The following CSRNP3 variants were observed in gnomAD, a reference collection of about 807,000 sequenced individuals.
CSRNP3 encodes the protein cysteine and serine rich nuclear protein 3, also known as cysteine/serine-rich nuclear protein 3.
A neutral mutation model predicts 48.0 loss-of-function variants in CSRNP3; 12 were observed. That is an observed-to-expected ratio of 0.25 (90% CI 0.16 to 0.41). The LOEUF (loss-of-function observed/expected upper bound fraction) is 0.41, where lower values mean the gene tolerates loss of function less well. Among genes scored for constraint, CSRNP3 ranks in the 10% least tolerant of loss-of-function variants. The pLI, the probability that CSRNP3 is intolerant of heterozygous loss-of-function variation, is 1.00. For missense variants in CSRNP3, 580 were observed against 724.4 expected, an observed-to-expected ratio of 0.80 and a Z score of 2.29; for synonymous variants, 263 against 269.7, an observed-to-expected ratio of 0.98 and a Z score of 0.24.
rs1687157059 is a variant in CSRNP3 at position 165,665,114 on chromosome 2, AAAACAGGGCC to A, written c.408+7097_408+7106del. ...TTATGGACTTAAAATTGCATTTAAC[AAAACAGGGCC>A]AAGTTTAGGATATCCTCTCAAGGTA... On this transcript the variant is annotated intron_variant, in intron 5 of 6. Transcript: ENST00000651982. Among the ~76,000 whole-genome samples, 3 of 152,188 alleles carry A rather than the reference AAAACAGGGCC, an allele frequency of 2.0e-5. No homozygotes were observed. The South Asian group carries it at 6.2e-4, about 32-fold the overall frequency.
At chr2:165,636,104 C>T (rs1378377768) in intron 4 of CSRNP3, among the ~76,000 whole-genome samples, 1 of 152,146 alleles carries the variant, frequency 6.6e-6, no homozygotes, top group Non-Finnish European at 1.5e-5. Flanking sequence ...ATGAATGCTA[C>T]TGTTTTAATA....
chr2:165,609,090 G>C (rs948596443), intron 4 of CSRNP3, among the ~76,000 whole-genome samples: 23 of 150,058 alleles, frequency 1.5e-4, no homozygotes, highest in Admixed American at 3.3e-4. Flanking sequence ...CTGGGCGACA[G>C]AGCAAGACTC....
intron 1 of CSRNP3, among the ~76,000 whole-genome samples, chr2:165,473,142 C>T (rs1683915363): frequency 6.6e-6 from 1 of 152,124 alleles, no homozygotes; most frequent in South Asian, 2.1e-4. Context: ...CGTAGGCTTA[C>T]TCTCAACTAC....
intron 4 of CSRNP3, among the ~76,000 whole-genome samples, chr2:165,625,309 T>C (rs1381292199): frequency 6.6e-6 from 1 of 151,734 alleles, no homozygotes; most frequent in Admixed American, 6.6e-5. Flanking sequence ...CAAATATACA[T>C]AACATGTAGT....
intron 6 of CSRNP3, among the ~76,000 whole-genome samples, chr2:165,677,837 C>T (rs1304761694): frequency 6.6e-6 from 1 of 152,180 alleles, no homozygotes; most frequent in Non-Finnish European, 1.5e-5. Flanking sequence ...CAGAACCCCA[C>T]CTCTCACCTG....
At chr2:165,609,334 T>C (rs1200752610) in intron 4 of CSRNP3, among the ~76,000 whole-genome samples, 1 of 132,212 alleles carries the variant, frequency 7.6e-6, no homozygotes, top group Non-Finnish European at 1.7e-5. Flanking sequence ...TGGCGGGCGC[T>C]TGTAGTCCCA....
At chr2:165,516,205 T>G (rs1294293772) in intron 2 of CSRNP3, among the ~76,000 whole-genome samples, 1 of 152,140 alleles carries the variant, frequency 6.6e-6, no homozygotes, top group Admixed American at 6.5e-5. Context: ...TTTAATTTCT[T>G]GAACTGTAAT....
chr2:165,547,048 T>A (rs1213588245), intron 3 of CSRNP3, among the ~76,000 whole-genome samples: 2 of 152,218 alleles, frequency 1.3e-5, no homozygotes, highest in African/African-American at 4.8e-5. Flanking sequence ...TCTTAATTGA[T>A]AACCACTGTC....
intron 3 of CSRNP3, among the ~76,000 whole-genome samples, chr2:165,531,107 G>A (rs1684806466): frequency 6.6e-6 from 1 of 151,932 alleles, no homozygotes. Context: ...TCTAATTCCA[G>A]CTTAACACTT....
At chr2:165,620,589 T>G (rs10174390) in intron 4 of CSRNP3, among the ~76,000 whole-genome samples, 123,683 of 152,052 alleles carry the variant, frequency 0.81, 50,471 homozygotes, top group Non-Finnish European at 0.84. Context: ...AGATGTCTCT[T>G]TCATTTACAA....
rs1296010664 is a variant in CSRNP3 at position 165,686,460 on chromosome 2, C to A, written c.*6707C>A. 1 of 151,876 alleles carries A rather than the reference C, an allele frequency of 6.6e-6. No individual in the cohort carries two copies. Among genetic ancestry groups the A allele is most frequent in the Non-Finnish European group, 1.5e-5 (1 of 67,926 alleles). The allele number at this position is 151,876 out of a possible 1,614,324, so 9.4% of individuals were successfully genotyped here. A position where few individuals can be genotyped will look rare whatever the true frequency, so the allele number is the denominator to read the frequency against. ...TTAAAAAAGCCACCCCTCTTTAAAA[C>A]AAATTTAAAGATCTATATACATTTT... On this transcript the variant is annotated 3_prime_UTR_variant, in exon 7 of 7. Coordinates refer to ENST00000651982, the MANE Select transcript of CSRNP3 (RefSeq NM_001172173.2).
chr2:165,540,475 A>G (rs1394984278), intron 3 of CSRNP3, among the ~76,000 whole-genome samples: 1 of 152,028 alleles, frequency 6.6e-6, no homozygotes, highest in Non-Finnish European at 1.5e-5. Flanking sequence ...AACATAATTA[A>G]TACCTGCGAT....
intron 4 of CSRNP3, among the ~76,000 whole-genome samples, chr2:165,655,767 T>G (rs1032957706): frequency 4.6e-5 from 7 of 152,170 alleles, no homozygotes; most frequent in Non-Finnish European, 8.8e-5. Context: ...TGGTGGAGAA[T>G]CTCCATCTCC....
chr2:165,595,201 A>G lies in CSRNP3; in HGVS notation c.136A>G (p.Ser46Gly). 1 of 1,611,606 alleles carries G rather than the reference A, an allele frequency of 6.2e-7. No homozygotes were observed. The highest frequency in any genetic ancestry group is 1.1e-5 in the South Asian group (1 of 90,748). ...GGACAGTGTCAATCCATCCACTTCTAGTCATTTTACCCGTGAGTACTGAAA... is the reference window on the plus strand; with the variant it reads ...GGACAGTGTCAATCCATCCACTTCTGGTCATTTTACCCGTGAGTACTGAAA... ...SGDSVNPSTS[S>G]HFTPSSILKR... is the part of the protein sequence containing the mutation. Residue 46 changes from serine to glycine, a missense_variant, in exon 4 of 7, where the codon AGT becomes GGT. Ser to Gly is a moderately conservative substitution (Grantham distance 56). This residue lies in a region of CSRNP3 where 83 missense variants were observed against 139.6 expected (regional missense o/e 0.59). Coordinates refer to ENST00000651982, the MANE Select transcript of CSRNP3 (RefSeq NM_001172173.2).
At chr2:165,479,821 G>A (rs1684015704) in intron 1 of CSRNP3, among the ~76,000 whole-genome samples, 1 of 151,396 alleles carries the variant, frequency 6.6e-6, no homozygotes, top group African/African-American at 2.4e-5. Context: ...TGGGGCTGAG[G>A]CTGCACTGAG....
At chr2:165,618,854 A>G (rs1027798120) in intron 4 of CSRNP3, among the ~76,000 whole-genome samples, 1 of 152,214 alleles carries the variant, frequency 6.6e-6, no homozygotes, top group African/African-American at 2.4e-5. Context: ...AAAGTAGTCT[A>G]TACCAGTATT....
chr2:165,487,724 A>C lies in CSRNP3; in HGVS notation c.-282-7035A>C, dbSNP rs1478108756. On this transcript the variant is annotated intron_variant, in intron 1 of 6. Coordinates refer to ENST00000651982, the MANE Select transcript of CSRNP3 (RefSeq NM_001172173.2). Reference sequence around the variant, plus strand: ...TTCATAAGTGAAGGAGAAATAAAATACTTTACAGACAAGCAAATGCTGAGA... The same window carrying C: ...TTCATAAGTGAAGGAGAAATAAAATCCTTTACAGACAAGCAAATGCTGAGA... Among the ~76,000 whole-genome samples, 8 of 149,618 alleles carry C rather than the reference A, an allele frequency of 5.3e-5. No homozygotes were observed. The Middle Eastern group carries it at 0.01, about 192-fold the overall frequency.
At position 165,685,943 on chromosome 2, in the gene CSRNP3, T is replaced by C. The variant is rs1414505360; in HGVS notation, c.*6190T>C. The stretch of plus-strand genomic sequence containing the variant: ...GGCCATTTAAATATTTTTAAGATAA[T>C]GTATATTGATTAGAAAGGGTTAGAA... On this transcript the variant is annotated 3_prime_UTR_variant, in exon 7 of 7. Coordinates refer to ENST00000651982, the MANE Select transcript of CSRNP3 (RefSeq NM_001172173.2). The C allele has an allele frequency of 6.6e-6, 1 of 152,082 alleles. No homozygotes were observed. Among genetic ancestry groups the C allele is most frequent in the Non-Finnish European group, 1.5e-5 (1 of 67,982 alleles). 9.4% of individuals were successfully genotyped at this position (152,082 alleles called of 1,614,324 possible).
At chr2:165,495,518 T>C (rs1354885340) in intron 2 of CSRNP3, among the ~76,000 whole-genome samples, 1 of 152,098 alleles carries the variant, frequency 6.6e-6, no homozygotes, top group Non-Finnish European at 1.5e-5. Flanking sequence ...TAGTATGATA[T>C]GTTCTAACTT....
Sources: gnomAD v4.1 joint callset for allele counts (sites outside exome capture counted in the v4.1 genomes callset) on GRCh38, gnomAD v4.1.1 for gene constraint, gnomAD v4.1.1 regional missense constraint, MANE v1.5 for transcripts, NCBI Gene and HGNC (gene_info 2026-07-23, HGNC 2026-07-21) for gene names.